ZNF407: variants seen among roughly 807,000 people sequenced by gnomAD.
The protein encoded by ZNF407 is zinc finger protein 407.
A neutral mutation model predicts 131.2 loss-of-function variants in ZNF407; 17 were observed. The observed-to-expected ratio is 0.13, with a 90% CI of 0.09 to 0.19. The LOEUF is 0.19. Among genes scored for constraint, ZNF407 ranks in the 10% least tolerant of loss-of-function variants. The pLI is 1.00. For missense variants in ZNF407, 2,681 were observed against 2,830.6 expected (o/e 0.95, Z 1.20); for synonymous variants, 1,156 against 1,062.0 (o/e 1.09, Z -1.72).
At chr18:74,666,845 A>G (rs561815133) in intron 3 of ZNF407, among the ~76,000 whole-genome samples, 1 of 152,286 alleles carries the variant, frequency 6.6e-6, no homozygotes, top group South Asian at 2.1e-4. Context: ...TAAAGATGCT[A>G]AATTGTATGT....
intron 4 of ZNF407, among the ~76,000 whole-genome samples, chr18:74,848,957 C>T (rs1317674150): frequency 3.3e-5 from 5 of 151,336 alleles, no homozygotes; most frequent in African/African-American, 1.2e-4. Context: ...GAAAATTCTG[C>T]GTTGTACTGA....
At chr18:74,611,191 A>G (rs746531338) in intron 1 of ZNF407, among the ~76,000 whole-genome samples, 5 of 152,244 alleles carry the variant, frequency 3.3e-5, no homozygotes, top group Non-Finnish European at 7.3e-5. Context: ...TCAGAAGGCA[A>G]TGCAGGACAG....
Position 75,063,390 on chromosome 18 carries a change from T to G in ZNF407, c.5669T>G (p.Leu1890Arg). Residue 1890 changes from leucine to arginine, a missense_variant, in exon 9 of 9, where the codon CTG becomes CGG. This residue lies in a region of ZNF407 where 620 missense variants were observed against 583.1 expected (regional missense o/e 1.06). Transcript: ENST00000299687. This position sits in a 1 kb window ranked among gnomAD's most constrained non-coding sequence, Gnocchi z 6.6. ...GTGGAGGAGACGGCCGCCGCCACGC[T>G]GCAGACGCTGGCCATGGCCGGCCAG... ...PSVEETAAAT[L>R]QTLAMAGQVA... 1 of 1,611,192 alleles carries G rather than the reference T, an allele frequency of 6.2e-7. No individual in the cohort carries two copies. The highest frequency in any genetic ancestry group is 8.5e-7 in the Non-Finnish European group (1 of 1,179,136).
intron 3 of ZNF407, among the ~76,000 whole-genome samples, chr18:74,763,876 A>AT (rs574697874): frequency 7.4e-4 from 108 of 145,752 alleles, no homozygotes; most frequent in East Asian, 2.0e-3. Flanking sequence ...CGCCCGGCTA[A>AT]TTTTTTTTTT....
At chr18:74,718,546 G>T (rs1825186149) in intron 3 of ZNF407, among the ~76,000 whole-genome samples, 1 of 151,942 alleles carries the variant, frequency 6.6e-6, no homozygotes, top group South Asian at 2.1e-4. Flanking sequence ...TAAAGGGAAG[G>T]GGTCTTTGTG....
intron 4 of ZNF407, among the ~76,000 whole-genome samples, chr18:74,866,922 A>C (rs953350307): frequency 1.4e-5 from 2 of 139,048 alleles, no homozygotes; most frequent in Non-Finnish European, 3.1e-5. Flanking sequence ...CTGAGGCTGG[A>C]GGATCCCTAG....
intron 4 of ZNF407, among the ~76,000 whole-genome samples, chr18:74,829,193 T>C (rs1458886060): frequency 2.0e-5 from 3 of 152,234 alleles, no homozygotes; most frequent in Admixed American, 1.3e-4. Context: ...GAAATAGAGA[T>C]GGTCTTTTGA....
chr18:74,949,717 T>TG lies in ZNF407; in HGVS notation c.5428+29030dup, dbSNP rs144817167. ...TTAAAGGTTATTTTTTACAGGAGAT[T>TG]GGGGGTGCTTCTGTGGATAAGCAGT... On this transcript the variant is annotated intron_variant, in intron 8 of 8. Transcript: ENST00000299687. Among the ~76,000 whole-genome samples the TG allele has an allele frequency of 8.0e-3, 1,222 of 152,140 alleles. 15 individuals carry two copies. Among genetic ancestry groups the TG allele is most frequent in the African/African-American group, 0.028 (1,179 of 41,500 alleles).
chr18:74,923,839 G>A (rs900107854), intron 8 of ZNF407, among the ~76,000 whole-genome samples: 10 of 151,996 alleles, frequency 6.6e-5, no homozygotes, highest in Admixed American at 5.9e-4. Context: ...GTTGCATTTT[G>A]TTTATCTGCT....
At position 74,801,990 on chromosome 18, in the gene ZNF407, TA is replaced by T. The variant is rs551343560; in HGVS notation, c.4877+20499del. Among the ~76,000 whole-genome samples, 755 of 149,144 alleles carry T rather than the reference TA, an allele frequency of 5.1e-3. 7 individuals carry two copies. The highest frequency in any genetic ancestry group is 0.015 in the African/African-American group (606 of 40,792). ...TCCTTTTCATTTTTGTCAGAATTCT[TA>T]AAAAAAAAAATTTTCCTTTGCTTAA... On this transcript the variant is annotated intron_variant, in intron 4 of 8. Coordinates refer to ENST00000299687, the MANE Select transcript of ZNF407 (RefSeq NM_017757.3).
chr18:74,602,892 C>T (rs1982642881), intron 1 of ZNF407, among the ~76,000 whole-genome samples: 1 of 151,894 alleles, frequency 6.6e-6, no homozygotes, highest in Non-Finnish European at 1.5e-5. Flanking sequence ...ACATCCTGCA[C>T]TGTGTGTGTG....
intron 3 of ZNF407, among the ~76,000 whole-genome samples, chr18:74,749,285 G>T (rs1568195912): frequency 6.6e-6 from 1 of 152,042 alleles, no homozygotes; most frequent in African/African-American, 2.4e-5. Flanking sequence ...CTCTCATCGT[G>T]GCTCCTCTGC....
chr18:74,674,511 T>C (rs915544593), intron 3 of ZNF407, among the ~76,000 whole-genome samples: 1 of 152,246 alleles, frequency 6.6e-6, no homozygotes, highest in South Asian at 2.1e-4. Context: ...TAAAATACTT[T>C]TTTCATGGCT....
At chr18:75,039,278 A>G (rs1973344937) in intron 8 of ZNF407, among the ~76,000 whole-genome samples, 1 of 152,240 alleles carries the variant, frequency 6.6e-6, no homozygotes, top group Non-Finnish European at 1.5e-5. Flanking sequence ...GATTTCAGTA[A>G]CTAGTATTTT....
At chr18:74,888,650 A>G (rs1235238878) in intron 6 of ZNF407, among the ~76,000 whole-genome samples, 1 of 152,124 alleles carries the variant, frequency 6.6e-6, no homozygotes, top group Non-Finnish European at 1.5e-5. Flanking sequence ...GTCGAGTATC[A>G]GTTTTTACAT....
At chr18:74,618,621 T>C (rs2144634848) in intron 1 of ZNF407, among the ~76,000 whole-genome samples, 2 of 152,318 alleles carry the variant, frequency 1.3e-5, no homozygotes, top group East Asian at 3.9e-4. Context: ...TTATTCTCCA[T>C]TGCTTCAATA....
At chr18:74,841,705 T>G (rs1970636287) in intron 4 of ZNF407, among the ~76,000 whole-genome samples, 1 of 152,202 alleles carries the variant, frequency 6.6e-6, no homozygotes, top group African/African-American at 2.4e-5. Context: ...AGGGATTTGT[T>G]TGTGTGTTTT....
intron 3 of ZNF407, among the ~76,000 whole-genome samples, chr18:74,676,656 G>T (rs570948540): frequency 4.3e-4 from 65 of 151,876 alleles, no homozygotes; most frequent in Admixed American, 1.6e-3. Flanking sequence ...GGATGGTCTC[G>T]ATCTCCTGAC....
At chr18:74,923,318 T>A (rs1049755072) in intron 8 of ZNF407, among the ~76,000 whole-genome samples, 3 of 151,646 alleles carry the variant, frequency 2.0e-5, no homozygotes, top group African/African-American at 7.3e-5. Flanking sequence ...TTTTTTTTTT[T>A]AAACTATTGA....
Sources: gnomAD v4.1 joint callset for allele counts (sites outside exome capture counted in the v4.1 genomes callset) on GRCh38, gnomAD v4.1.1 for gene constraint, gnomAD v4.1.1 regional missense constraint, Gnocchi (gnomAD v3.1) non-coding constraint, MANE v1.5 for transcripts, NCBI Gene and HGNC (gene_info 2026-07-23, HGNC 2026-07-21) for gene names.